The following PNKD variants were observed in gnomAD, a reference collection of about 807,000 sequenced individuals.
PNKD encodes probable thioesterase PNKD.
Under a neutral mutation model 45.3 loss-of-function variants are expected in PNKD, and 36 were observed. The observed-to-expected ratio is 0.80, with a 90% CI of 0.61 to 1.05. The LOEUF (loss-of-function observed/expected upper bound fraction) is 1.05. Ranked by LOEUF, PNKD falls within the 50% of genes least tolerant of loss-of-function variation. The probability of loss-of-function intolerance (pLI) is 0.00; values close to 1 mark genes in which losing one functional copy is unlikely to be tolerated. For missense variants in PNKD, 511 were observed against 506.6 expected, an observed-to-expected ratio of 1.01 and a Z score of -0.08; for synonymous variants, 197 against 210.1, an observed-to-expected ratio of 0.94 and a Z score of 0.54.
intron 2 of PNKD, among the ~76,000 whole-genome samples, chr2:218,281,751 C>G (rs1183807263): frequency 1.3e-5 from 2 of 152,136 alleles, no homozygotes; most frequent in Non-Finnish European, 2.9e-5. Context: ...CAGCAAGTGG[C>G]TGGGGGCCAG....
chr2:218,344,646 C>T (rs1424790697), intron 9 of PNKD, 76 bp downstream of exon 9: 9 of 1,431,054 alleles, frequency 6.3e-6, no homozygotes, highest in Non-Finnish European at 7.9e-6. Context: ...ATGCTGACCC[C>T]AGGCCTGCGA....
At position 218,307,324 on chromosome 2, in the gene PNKD, A is replaced by ATC. The variant is rs566038349; in HGVS notation, c.237-32458_237-32457insCT. Among the ~76,000 whole-genome samples the ATC allele has an allele frequency of 7.4e-4, 113 of 152,320 alleles. 2 individuals are homozygous for ATC. The East Asian group carries it at 0.014, about 19-fold the overall frequency. Reference sequence around the variant, plus strand: ...TTCTATTATTATTACATTGTAATATATAATAAAATAATCATACAACTCACC... The same window carrying ATC: ...TTCTATTATTATTACATTGTAATATATCTAATAAAATAATCATACAACTCACC... On this transcript the variant is annotated intron_variant, in intron 2 of 9. Coordinates refer to ENST00000273077, the MANE Select transcript of PNKD (RefSeq NM_015488.5).
chr2:218,333,054 C>T (rs1227772531), intron 2 of PNKD, among the ~76,000 whole-genome samples: 1 of 152,188 alleles, frequency 6.6e-6, no homozygotes, highest in Non-Finnish European at 1.5e-5. Flanking sequence ...CGAGGCCTTC[C>T]CTGGGCACCC....
At chr2:218,341,030 T>C (rs1694658285) in intron 5 of PNKD, 1 of 588,538 alleles carries the variant, frequency 1.7e-6, no homozygotes, top group Non-Finnish European at 3.0e-6. Context: ...TTCATGGGCA[T>C]GTATTAGATA....
intron 9 of PNKD, 69 bp downstream of exon 9, chr2:218,344,639 C>T: frequency 1.4e-6 from 2 of 1,450,930 alleles, no homozygotes; most frequent in Non-Finnish European, 1.9e-6. Context: ...CCCATCCATG[C>T]TGACCCCAGG....
At chr2:218,315,432 C>T (rs1165090379) in intron 2 of PNKD, among the ~76,000 whole-genome samples, 1 of 152,182 alleles carries the variant, frequency 6.6e-6, no homozygotes, top group South Asian at 2.1e-4. Flanking sequence ...GCTGGGATTC[C>T]AGGCATGAGC....
intron 2 of PNKD, among the ~76,000 whole-genome samples, chr2:218,317,263 A>G (rs1213219500): frequency 1.3e-5 from 2 of 152,180 alleles, no homozygotes; most frequent in African/African-American, 4.8e-5. Flanking sequence ...CCCCAGCCAA[A>G]CCTACTAAGT....
intron 2 of PNKD, 140 bp downstream of exon 2, chr2:218,271,689 C>CA (rs1228206264): frequency 4.1e-6 from 3 of 724,446 alleles, no homozygotes; most frequent in Non-Finnish European, 7.0e-6. Flanking sequence ...ATTGGAATCT[C>CA]AGAGGGGTGG....
chr2:218,313,000 G>T (rs1429966175), intron 2 of PNKD, among the ~76,000 whole-genome samples: 1 of 151,424 alleles, frequency 6.6e-6, no homozygotes, highest in Non-Finnish European at 1.5e-5. Context: ...AAATGTATAA[G>T]GAGATCTCAT....
rs200042352 is a variant in PNKD at position 218,344,949 on chromosome 2, C to T, written c.1126C>T (p.Arg376Cys). ...CCGGGCCCAGCTCCTGGAAGAGCTC[C>T]GCCGGCTGAAGGATATGCACAAGAG... is the stretch of plus-strand genomic sequence containing the variant. ...YSRAQLLEELRRLKDMHKSK is the reference protein window; with the variant it reads ...YSRAQLLEELCRLKDMHKSK The change falls in exon 10 of 10, where the codon CGC becomes TGC. Residue 376 changes from arginine to cysteine, a missense_variant. By Grantham distance (180) the Arg-to-Cys change is radical (BLOSUM62 -3). Coordinates refer to ENST00000273077, the MANE Select transcript of PNKD (RefSeq NM_015488.5). 53 of 1,613,928 alleles carry T rather than the reference C, an allele frequency of 3.3e-5. No individual in the cohort carries two copies. Among genetic ancestry groups the T allele is most frequent in the Admixed American group, 6.7e-5 (4 of 60,018 alleles).
At chr2:218,324,901 A>G (rs1574702973) in intron 2 of PNKD, among the ~76,000 whole-genome samples, 1 of 150,310 alleles carries the variant, frequency 6.7e-6, no homozygotes, top group African/African-American at 2.5e-5. Context: ...CAGCCATTGC[A>G]CTCCAGCCTG....
At chr2:218,297,799 A>G (rs1342217724) in intron 2 of PNKD, among the ~76,000 whole-genome samples, 1 of 151,636 alleles carries the variant, frequency 6.6e-6, no homozygotes, top group East Asian at 1.9e-4. Flanking sequence ...GGAGATCGAG[A>G]CCATCCTGGC....
At chr2:218,321,927 C>G (rs1459907751) in intron 2 of PNKD, among the ~76,000 whole-genome samples, 1 of 120,626 alleles carries the variant, frequency 8.3e-6, no homozygotes, top group East Asian at 2.7e-4. Context: ...CCCGGCCGAG[C>G]TTGACTCTTT....
At chr2:218,270,824 C>T in intron 1 of PNKD, 1 of 400,564 alleles carries the variant, frequency 2.5e-6, no homozygotes, top group East Asian at 3.6e-5. Context: ...AGAGGGAGCT[C>T]CTAGGAAGCC....
At chr2:218,338,557 A>T (rs1694568310) in intron 2 of PNKD, among the ~76,000 whole-genome samples, 1 of 151,730 alleles carries the variant, frequency 6.6e-6, no homozygotes. Context: ...TGTTGAGCCC[A>T]GGAGTTCGAG....
intron 2 of PNKD, among the ~76,000 whole-genome samples, chr2:218,290,626 C>T (rs924725380): frequency 2.6e-5 from 4 of 152,318 alleles, no homozygotes; most frequent in African/African-American, 7.2e-5. Context: ...AACCAGGAAA[C>T]GGGCACCCCT....
chr2:218,296,835 GC>G (rs1693150889), intron 2 of PNKD, among the ~76,000 whole-genome samples: 2 of 152,002 alleles, frequency 1.3e-5, no homozygotes, highest in African/African-American at 4.8e-5. Context: ...CCACCACAAT[GC>G]CCAGCTAATT....
At chr2:218,324,945 AAAAAAG>A (rs1475327023) in intron 2 of PNKD, among the ~76,000 whole-genome samples, 2 of 142,566 alleles carry the variant, frequency 1.4e-5, no homozygotes, top group Admixed American at 6.6e-5. Flanking sequence ...CAAAAAACAA[AAAAAAG>A]AAAAAGAAAA....
intron 2 of PNKD, among the ~76,000 whole-genome samples, chr2:218,307,672 G>A (rs75367195): frequency 0.037 from 5,640 of 152,204 alleles, 116 homozygotes; most frequent in African/African-American, 0.048. Flanking sequence ...GGAGGGAAGC[G>A]GTTGGGGACC....
Sources: gnomAD v4.1 joint callset for allele counts (sites outside exome capture counted in the v4.1 genomes callset) on GRCh38, gnomAD v4.1.1 for gene constraint, MANE v1.5 for transcripts, NCBI Gene and HGNC (gene_info 2026-07-23, HGNC 2026-07-21) for gene names.